Variants in WSCD2 observed in about 807,000 individuals in gnomAD.
The protein encoded by WSCD2 is sialate:O-sulfotransferase 2.
In WSCD2, 28 loss-of-function variants were observed where a neutral mutation model predicts 55.7. The ratio of observed to expected loss-of-function variants is 0.50; its 90% CI spans 0.37 to 0.69. The LOEUF (loss-of-function observed/expected upper bound fraction) is 0.69, where lower values mean the gene tolerates loss of function less well. WSCD2 is among the 30% of genes least tolerant of loss of function. The probability of loss-of-function intolerance (pLI) is 0.00; values close to 1 mark genes in which losing one functional copy is unlikely to be tolerated. For synonymous variants in WSCD2, 301 were observed against 301.9 expected, an observed-to-expected ratio of 1.00 and a Z score of 0.03; for missense variants, 616 against 762.1, an observed-to-expected ratio of 0.81 and a Z score of 2.26.
intron 8 of WSCD2, among the ~76,000 whole-genome samples, chr12:108,244,260 A>G (rs1413238523): frequency 6.6e-6 from 1 of 152,172 alleles, no homozygotes; most frequent in Non-Finnish European, 1.5e-5. Context: ...GAGTTAAACG[A>G]GGGCTTTGGT....
At chr12:108,208,751 G>A (rs147121020) in intron 3 of WSCD2, among the ~76,000 whole-genome samples, 10 of 152,326 alleles carry the variant, frequency 6.6e-5, no homozygotes, top group African/African-American at 2.4e-4. Flanking sequence ...GGGCAATGGG[G>A]AGCCACTGCA....
At chr12:108,204,036 C>T (rs778735972) in intron 2 of WSCD2, among the ~76,000 whole-genome samples, 6 of 152,198 alleles carry the variant, frequency 3.9e-5, no homozygotes, top group Non-Finnish European at 7.3e-5. Flanking sequence ...TATGCCCAAA[C>T]TAAGATTTGC....
chr12:108,207,674 AC>A (rs1357993571), intron 3 of WSCD2, among the ~76,000 whole-genome samples: 4 of 151,340 alleles, frequency 2.6e-5, no homozygotes, highest in Non-Finnish European at 5.9e-5. Flanking sequence ...GGTGTGAGGC[AC>A]CAAACCCAGC....
intron 1 of WSCD2, among the ~76,000 whole-genome samples, chr12:108,184,455 T>C (rs1460546369): frequency 6.6e-6 from 1 of 152,190 alleles, no homozygotes; most frequent in South Asian, 2.1e-4. Context: ...TCACCGTTCC[T>C]AAATTAGAGT....
At chr12:108,215,550 A>G (rs1247152168) in intron 4 of WSCD2, among the ~76,000 whole-genome samples, 1 of 152,142 alleles carries the variant, frequency 6.6e-6, no homozygotes, top group Non-Finnish European at 1.5e-5. Flanking sequence ...AGCCTTTGGT[A>G]ATGTCTAAAA....
At chr12:108,165,446 G>A (rs1258579881) in intron 1 of WSCD2, among the ~76,000 whole-genome samples, 12 of 152,130 alleles carry the variant, frequency 7.9e-5, no homozygotes, top group Admixed American at 7.9e-4. Flanking sequence ...TTCCCAGGCT[G>A]GTCTTGAACT....
chr12:108,147,761 C>A (rs895396102), intron 1 of WSCD2, among the ~76,000 whole-genome samples: 1 of 151,924 alleles, frequency 6.6e-6, no homozygotes, highest in African/African-American at 2.4e-5. Flanking sequence ...CACCTGTAGT[C>A]CCAGCTTCTT....
At position 108,206,291 on chromosome 12, in the gene WSCD2, A is replaced by G; in HGVS notation, c.385A>G (p.Lys129Glu). ...TTGACGTTTTCCTTTCCCCAAAGCC[A>G]AGTACATCGGCTGCTACCTGGATGA... ...VVREKEEERA[K>E]YIGCYLDDTQ... The change falls in exon 3 of 9, where the codon AAG becomes GAG. Residue 129 changes from lysine (K) to glutamate (E), a missense_variant and splice_region_variant. Physicochemically the swap from Lys to Glu is moderately conservative, Grantham distance 56. This residue lies in a region of WSCD2 where 374 missense variants were observed against 467.4 expected (regional missense o/e 0.80). Transcript: ENST00000547525. The G allele has an allele frequency of 6.2e-7, 1 of 1,614,140 alleles. No homozygotes were observed. Among genetic ancestry groups the G allele is most frequent in the Non-Finnish European group, 8.5e-7 (1 of 1,179,974 alleles).
At chr12:108,143,785 C>T (rs538484019) in intron 1 of WSCD2, among the ~76,000 whole-genome samples, 1 of 152,292 alleles carries the variant, frequency 6.6e-6, no homozygotes, top group Admixed American at 6.5e-5. Flanking sequence ...ACTTCCCTCC[C>T]ATTTGGTTGA....
At chr12:108,169,216 T>C (rs965045456) in intron 1 of WSCD2, among the ~76,000 whole-genome samples, 1 of 152,220 alleles carries the variant, frequency 6.6e-6, no homozygotes, top group Admixed American at 6.5e-5. Flanking sequence ...GGGATCCCAC[T>C]GATTCTACAT....
chr12:108,161,370 G>A (rs1879035775), intron 1 of WSCD2, among the ~76,000 whole-genome samples: 2 of 152,218 alleles, frequency 1.3e-5, no homozygotes, highest in Admixed American at 1.3e-4. Flanking sequence ...TAGTGGAGTA[G>A]AGTGGGCCCC....
Position 108,195,759 on chromosome 12 carries a change from G to A in WSCD2, c.-74G>A. ...TGTTCCATCCCTAAGGAAAGCTTGG[G>A]AAACCAAGCCCCTTCCATCCTCTCC... is the stretch of plus-strand genomic sequence containing the variant. On this transcript the variant is annotated 5_prime_UTR_variant, in exon 2 of 9. Coordinates refer to ENST00000547525, the MANE Select transcript of WSCD2 (RefSeq NM_014653.4). 2.0e-6 allele frequency: 3 copies of A among 1,519,700 alleles called. No homozygotes were observed. The highest frequency in any genetic ancestry group is 1.9e-4 in the Middle Eastern group (1 of 5,256). 94.1% of individuals were successfully genotyped at this position (1,519,700 alleles called of 1,614,324 possible).
intron 1 of WSCD2, among the ~76,000 whole-genome samples, chr12:108,159,801 G>A (rs966936270): frequency 1.3e-5 from 2 of 152,228 alleles, no homozygotes; most frequent in Admixed American, 6.5e-5. Flanking sequence ...GCAGGCGTGG[G>A]AGGACGGTCC....
chr12:108,187,146 T>A (rs1882605331), intron 1 of WSCD2, among the ~76,000 whole-genome samples: 1 of 152,210 alleles, frequency 6.6e-6, no homozygotes, highest in Non-Finnish European at 1.5e-5. Context: ...CAGTTTTAGA[T>A]CTGAGCCTAC....
intron 4 of WSCD2, among the ~76,000 whole-genome samples, chr12:108,218,932 CTCT>C (rs1887158358): frequency 6.6e-6 from 1 of 152,200 alleles, no homozygotes; most frequent in Admixed American, 6.5e-5. Flanking sequence ...AAGTTACTCT[CTCT>C]TCTTATGATG....
In WSCD2 at chr12:108,148,962, G is replaced by A. The variant is rs190382519; in HGVS notation, c.-552+19036G>A. ...CAGAGTCTGAGGCTGATTTCAAGGT[G>A]GGGGTCAAGGAGACACAACCCACCT... On this transcript the variant is annotated intron_variant, in intron 1 of 8. Transcript: ENST00000547525. Among the ~76,000 whole-genome samples the A allele has an allele frequency of 5.9e-5, 9 of 152,250 alleles. No individual in the cohort carries two copies. The East Asian group carries it at 1.7e-3, about 29-fold the overall frequency.
At chr12:108,220,847 TTAATA>T (rs1335036426) in intron 4 of WSCD2, among the ~76,000 whole-genome samples, 1 of 152,268 alleles carries the variant, frequency 6.6e-6, no homozygotes, top group Admixed American at 6.5e-5. Flanking sequence ...CAACATTATA[TTAATA>T]TAAGCATCTA....
At chr12:108,233,239 C>A (rs943785825) in intron 7 of WSCD2, 2 of 187,592 alleles carry the variant, frequency 1.1e-5, no homozygotes, top group Non-Finnish European at 2.2e-5. Flanking sequence ...TGTTTACTGA[C>A]CAGCAACTCT....
In WSCD2 at chr12:108,205,018, G is replaced by A. The variant is rs115395860; in HGVS notation, c.383-1271G>A. On this transcript the variant is annotated intron_variant, in intron 2 of 8. Coordinates refer to ENST00000547525, the MANE Select transcript of WSCD2 (RefSeq NM_014653.4). ...GTCTAACCTCCAGTTACTGATTTGG[G>A]GGTCTCATAGACCTGGATTTAAACA... Among the ~76,000 whole-genome samples, 1,020 of 152,290 alleles carry A rather than the reference G, an allele frequency of 6.7e-3. 22 individuals are homozygous for A. Among genetic ancestry groups the A allele is most frequent in the African/African-American group, 0.024 (979 of 41,542 alleles).
Sources: gnomAD v4.1 joint callset for allele counts (sites outside exome capture counted in the v4.1 genomes callset) on GRCh38, gnomAD v4.1.1 for gene constraint, gnomAD v4.1.1 regional missense constraint, MANE v1.5 for transcripts, NCBI Gene and HGNC (gene_info 2026-07-23, HGNC 2026-07-21) for gene names.